NKIRAS1: variants seen among roughly 807,000 people sequenced by gnomAD.
NKIRAS1 encodes the protein NF-kappa-B inhibitor-interacting Ras-like protein 1.
NKIRAS1 carries 16 observed loss-of-function variants against 19.8 expected under a neutral mutation model. The observed-to-expected ratio is 0.81, with a 90% CI of 0.55 to 1.23. NKIRAS1 has a LOEUF of 1.23. Among genes scored for constraint, NKIRAS1 ranks in the 50% most tolerant of loss-of-function variants. The pLI is 0.00. For synonymous variants in NKIRAS1, 88 were observed against 79.0 expected, an observed-to-expected ratio of 1.11 and a Z score of -0.61; for missense variants, 184 against 220.0, an observed-to-expected ratio of 0.84 and a Z score of 1.04.
intron 1 of NKIRAS1, chr3:23,946,067 T>C (rs1408518253): frequency 5.1e-6 from 5 of 979,700 alleles, no homozygotes; most frequent in Middle Eastern, 5.2e-4. Context: ...CGCCGCAGCC[T>C]CCCGGGAGGC....
At chr3:23,920,540 GAGACT>G (rs1352431452), upstream of NKIRAS1, 2 of 985,182 alleles carry the variant, frequency 2.0e-6, no homozygotes, top group African/African-American at 3.5e-5. Context: ...TGTCTTCCAG[GAGACT>G]AGACTACTGT....
At chr3:23,930,533 C>T (rs886209394) in intron 1 of NKIRAS1, among the ~76,000 whole-genome samples, 4 of 152,134 alleles carry the variant, frequency 2.6e-5, no homozygotes, top group Non-Finnish European at 5.9e-5. Context: ...TTGAAAGGAC[C>T]CACCATTCCC....
At chr3:23,939,241 G>A (rs978234324) in intron 1 of NKIRAS1, among the ~76,000 whole-genome samples, 4 of 152,028 alleles carry the variant, frequency 2.6e-5, no homozygotes, top group Non-Finnish European at 4.4e-5. Context: ...AAATGTATAC[G>A]ATAAATGTCC....
chr3:23,890,721 A>G lies in NKIRAS1; in HGVS notation c.*2374T>C, dbSNP rs896345111. On this transcript the variant is annotated 3_prime_UTR_variant, in exon 5 of 5. Transcript: ENST00000425478. ...AAAGAGTAGGGTATTTCTATAACAG[A>G]TATTATTCAGTCTTATTTCCTAAGA... is the stretch of plus-strand genomic sequence containing the variant. 3 of 875,024 alleles carry G rather than the reference A, an allele frequency of 3.4e-6. No homozygotes were observed. Among genetic ancestry groups the G allele is most frequent in the Admixed American group, 7.0e-5 (2 of 28,426 alleles). The allele number at this position is 875,024 out of a possible 1,614,324, so 54.2% of individuals were successfully genotyped here. A position where few individuals can be genotyped will look rare whatever the true frequency, so the allele number is the denominator to read the frequency against.
intron 1 of NKIRAS1, among the ~76,000 whole-genome samples, chr3:23,912,242 CAG>C (rs1703819088): frequency 6.6e-6 from 1 of 152,158 alleles, no homozygotes; most frequent in East Asian, 1.9e-4. Context: ...AAACTACCAT[CAG>C]AGTCAACAGG....
At chr3:23,946,470 T>A in exon 1 of NKIRAS1, 1 of 197,652 alleles carries the variant, frequency 5.1e-6, no homozygotes, top group Non-Finnish European at 9.1e-6. Context: ...GCAGACTGGG[T>A]AGCACCGCCC....
intron 1 of NKIRAS1, among the ~76,000 whole-genome samples, chr3:23,912,844 C>T (rs985776925): frequency 1.3e-5 from 2 of 152,068 alleles, no homozygotes; most frequent in East Asian, 1.9e-4. Flanking sequence ...ATACGTCGGG[C>T]GCGGTGGCTC....
chr3:23,937,866 C>T (rs4241518), intron 1 of NKIRAS1, among the ~76,000 whole-genome samples: 96,984 of 151,368 alleles, frequency 0.64, 31,226 homozygotes, highest in Middle Eastern at 0.73. Context: ...TATACATTAT[C>T]GTGTAGACTG....
At chr3:23,907,508 C>G (rs1348161824) in intron 3 of NKIRAS1, among the ~76,000 whole-genome samples, 1 of 152,188 alleles carries the variant, frequency 6.6e-6, no homozygotes, top group Non-Finnish European at 1.5e-5. Flanking sequence ...TCAGGGGACC[C>G]ACATGGGCAA....
upstream of NKIRAS1, chr3:23,917,555 C>T (rs1349337552): frequency 1.3e-5 from 4 of 297,370 alleles, no homozygotes; most frequent in East Asian, 7.6e-5. Flanking sequence ...TCAGGTCCTC[C>T]TTGGGGACGC....
chr3:23,942,831 C>T (rs1481713494), intron 1 of NKIRAS1, among the ~76,000 whole-genome samples: 1 of 152,196 alleles, frequency 6.6e-6, no homozygotes, highest in South Asian at 2.1e-4. Flanking sequence ...TTACTGCAGC[C>T]TCAACCTCCC....
intron 1 of NKIRAS1, among the ~76,000 whole-genome samples, chr3:23,940,458 T>C (rs1292219233): frequency 2.6e-5 from 4 of 152,192 alleles, no homozygotes; most frequent in Non-Finnish European, 5.9e-5. Flanking sequence ...CATAAGCTAT[T>C]ATTATTGCAT....
At chr3:23,923,714 G>C (rs565977979) in intron 1 of NKIRAS1, 96 of 152,300 alleles carry the variant, frequency 6.3e-4, no homozygotes, top group African/African-American at 2.2e-3. Context: ...GTTAAAAATT[G>C]TATGTATATA....
chr3:23,917,029 A>C (rs945824132), upstream of NKIRAS1: 1 of 152,542 alleles, frequency 6.6e-6, no homozygotes, highest in African/African-American at 2.4e-5. Context: ...CTCCGCCACC[A>C]GGCGCGATGC....
chr3:23,919,609 T>C, upstream of NKIRAS1: 3 of 1,423,936 alleles, frequency 2.1e-6, no homozygotes, highest in Non-Finnish European at 2.7e-6. Context: ...GTTTCTTGAA[T>C]GCTTTGTCAA....
At chr3:23,942,498 C>G (rs1337492146) in intron 1 of NKIRAS1, among the ~76,000 whole-genome samples, 2 of 152,244 alleles carry the variant, frequency 1.3e-5, no homozygotes, top group African/African-American at 4.8e-5. Context: ...ACGGCACGAT[C>G]TCGGCTCACC....
At position 23,910,746 on chromosome 3, in the gene NKIRAS1, T is replaced by C. The variant is rs1409712408; in HGVS notation, c.94+65A>G. ...ACCATCAACCACCTTTAGTTTAGCA[T>C]GACCAACAAAAGACCCCTGATAGCT... On this transcript the variant is annotated intron_variant, in intron 3 of 4. Transcript: ENST00000425478. 9 of 1,182,526 alleles carry C rather than the reference T, an allele frequency of 7.6e-6. 1 individual carries two copies. The highest frequency in any genetic ancestry group is 1.1e-5 in the Non-Finnish European group (9 of 794,844). The allele number at this position is 1,182,526 out of a possible 1,614,324, so 73.3% of individuals were successfully genotyped here. A position where few individuals can be genotyped will look rare whatever the true frequency, so the allele number is the denominator to read the frequency against.
At chr3:23,919,548 A>G (rs770349776), upstream of NKIRAS1, 1 of 1,466,800 alleles carries the variant, frequency 6.8e-7, no homozygotes, top group East Asian at 2.5e-5. Context: ...AATTTAGGAC[A>G]GTCATGTCTG....
chr3:23,918,454 A>C (rs1704831405), upstream of NKIRAS1: 1 of 1,612,682 alleles, frequency 6.2e-7, no homozygotes, highest in South Asian at 1.1e-5. Context: ...CGTTATATAT[A>C]GGATTCGTGT....
Sources: allele counts gnomAD v4.1 joint callset (sites outside exome capture counted in the v4.1 genomes callset), GRCh38; gene constraint gnomAD v4.1.1; transcripts MANE v1.5; gene names NCBI Gene and HGNC (gene_info 2026-07-23, HGNC 2026-07-21).